The following STYXL2 variants were observed in gnomAD, a reference collection of about 807,000 sequenced individuals.
STYXL2 encodes serine/threonine/tyrosine-interacting-like protein 2.
STYXL2 carries 44 observed loss-of-function variants against 52.4 expected under a neutral mutation model. The observed-to-expected ratio is 0.84, with a 90% CI of 0.66 to 1.08. STYXL2 has a LOEUF of 1.08. STYXL2 is among the 50% of genes least tolerant of loss of function. The probability of loss-of-function intolerance (pLI) is 0.00; values close to 1 mark genes in which losing one functional copy is unlikely to be tolerated. For missense variants in STYXL2, 1,604 were observed against 1,471.7 expected (o/e 1.09, Z -1.47); for synonymous variants, 604 against 586.9 (o/e 1.03, Z -0.42).
chr1:167,107,849 T>A (rs1667535249), intron 2 of STYXL2, among the ~76,000 whole-genome samples: 1 of 151,930 alleles, frequency 6.6e-6, no homozygotes, highest in Admixed American at 6.5e-5. Context: ...TAAAAACAGG[T>A]GTATGGTGCA....
chr1:167,126,311 CA>C lies in STYXL2; in HGVS notation c.1181del (p.Gln394ArgfsTer41). The C allele has an allele frequency of 6.6e-7, 1 of 1,521,872 alleles. No homozygotes were observed. The highest frequency in any genetic ancestry group is 8.8e-7 in the Non-Finnish European group (1 of 1,132,756). The allele number at this position is 1,521,872 out of a possible 1,614,324, so 94.3% of individuals were successfully genotyped here. ...GGACGAGGACGTGGAGAGGATCATC[CA>C]GGAGTGGCAGAGCCGAAACGAGAGG... is the stretch of plus-strand genomic sequence containing the variant. ...LEDEDVERIIQEWQSRNERYQ... is the reference protein window; with the variant it reads ...LEDEDVERIIXEWQSRNERYQ... On this transcript the variant is annotated frameshift_variant, in exon 6 of 6. Coordinates refer to ENST00000361200, the MANE Select transcript of STYXL2 (RefSeq NM_001080426.3). LOFTEE classifies it low-confidence loss of function (END_TRUNC).
rs772111252 is a variant in STYXL2 at position 167,127,573 on chromosome 1, CAA to C, written c.2444_2445del (p.Lys815SerfsTer14). ...LSSPAESCRSKVRGTSKPIFS... is the reference protein window; with the variant it reads ...LSSPAESCRSXVRGTSKPIFS... ...GCTCACCCGCGGAAAGTTGCAGAAG[CAA>C]AGTGAGGGGGACCAGCAAGCCCATC... On this transcript the variant is annotated frameshift_variant, in exon 6 of 6. Coordinates refer to ENST00000361200, the MANE Select transcript of STYXL2 (RefSeq NM_001080426.3). LOFTEE classifies it high-confidence loss of function. The C allele has an allele frequency of 6.2e-7, 1 of 1,614,094 alleles. No homozygotes were observed. Among genetic ancestry groups the C allele is most frequent in the Non-Finnish European group, 8.5e-7 (1 of 1,179,990 alleles).
chr1:167,106,691 T>C (rs780647749), intron 2 of STYXL2, among the ~76,000 whole-genome samples: 13 of 152,226 alleles, frequency 8.5e-5, no homozygotes, highest in Non-Finnish European at 1.3e-4. Context: ...TATTGTCATA[T>C]GAAAACTAGC....
In STYXL2 at chr1:167,119,406, A is replaced by G. The variant is rs2102241298; in HGVS notation, c.595A>G (p.Ile199Val). The G allele has an allele frequency of 1.2e-6, 2 of 1,614,196 alleles. No homozygotes were observed. The highest frequency in any genetic ancestry group is 2.2e-5 in the East Asian group (1 of 44,882). ...VEVDDFPEVD[I>V]SQHFRKASEF... ...GGTGGATGACTTTCCTGAGGTGGAC[A>G]TTTCCCAGCATTTCCGGAAGGCGTC... The change falls in exon 5 of 6, where the codon ATT becomes GTT. Residue 199 changes from isoleucine (I) to valine (V), a missense_variant. Physicochemically the swap from Ile to Val is conservative, Grantham distance 29 (BLOSUM62 3). Transcript: ENST00000361200.
At chr1:167,122,320 C>G (rs1358646336) in intron 5 of STYXL2, among the ~76,000 whole-genome samples, 2 of 152,132 alleles carry the variant, frequency 1.3e-5, no homozygotes, top group Non-Finnish European at 2.9e-5. Flanking sequence ...CTTGGTTTCC[C>G]TCTTCTTTCT....
At chr1:167,105,311 T>C (rs1035633911) in intron 2 of STYXL2, among the ~76,000 whole-genome samples, 2 of 152,238 alleles carry the variant, frequency 1.3e-5, no homozygotes, top group African/African-American at 4.8e-5. Flanking sequence ...GGCTTTTGGT[T>C]AGGAAGTCCA....
At chr1:167,125,002 G>A (rs916355260) in intron 5 of STYXL2, among the ~76,000 whole-genome samples, 1 of 150,620 alleles carries the variant, frequency 6.6e-6, no homozygotes, top group Non-Finnish European at 1.5e-5. Context: ...GAGGAAAGTA[G>A]CTAGAATAGT....
chr1:167,100,759 G>A (rs1035110963), intron 2 of STYXL2, among the ~76,000 whole-genome samples: 7 of 152,140 alleles, frequency 4.6e-5, no homozygotes, highest in African/African-American at 7.2e-5. Flanking sequence ...GTTTTAATGC[G>A]CTTCTTGGTT....
Position 167,126,394 on chromosome 1 carries a change from C to A in STYXL2, c.1263C>A (p.Ser421Arg). Residue 421 changes from serine (S) to arginine (R), a missense_variant, in exon 6 of 6, where the codon AGC becomes AGA. By Grantham distance (110) the Ser-to-Arg change is moderately radical. Transcript: ENST00000361200. ...GGGAGGAGGAGAAGGAGGAGGAGAGCGACGCTGGCTCCTCGGTGGGGAGGC... is the reference window on the plus strand; with the variant it reads ...GGGAGGAGGAGAAGGAGGAGGAGAGAGACGCTGGCTCCTCGGTGGGGAGGC... ...WGREEEKEEE[S>R]DAGSSVGRRR... The A allele has an allele frequency of 3.9e-6, 6 of 1,554,484 alleles. No individual in the cohort carries two copies. The highest frequency in any genetic ancestry group is 1.2e-5 in the South Asian group (1 of 84,180).
rs769931637 is a variant in STYXL2 at position 167,127,556 on chromosome 1, G to T, written c.2425G>T (p.Ala809Ser). ...LSCNTTLSSP[A>S]ESCRSKVRGT... ...CTGCAACACCACACTGAGCTCACCCGCGGAAAGTTGCAGAAGCAAAGTGAG... is the reference window on the plus strand; with the variant it reads ...CTGCAACACCACACTGAGCTCACCCTCGGAAAGTTGCAGAAGCAAAGTGAG... Residue 809 changes from alanine to serine, a missense_variant, in exon 6 of 6, where the codon GCG becomes TCG. Physicochemically the swap from Ala to Ser is moderately conservative, Grantham distance 99. Coordinates refer to ENST00000361200, the MANE Select transcript of STYXL2 (RefSeq NM_001080426.3). The T allele has an allele frequency of 3.1e-6, 5 of 1,613,964 alleles. No homozygotes were observed. The highest frequency in any genetic ancestry group is 4.2e-6 in the Non-Finnish European group (5 of 1,180,000).
At chr1:167,096,596 C>T (rs749511895) in intron 2 of STYXL2, among the ~76,000 whole-genome samples, 1 of 152,120 alleles carries the variant, frequency 6.6e-6, no homozygotes, top group East Asian at 1.9e-4. Flanking sequence ...GAGACAAGCA[C>T]GGATAATTTC....
chr1:167,123,209 CTGT>C (rs1667893717), intron 5 of STYXL2, among the ~76,000 whole-genome samples: 1 of 152,166 alleles, frequency 6.6e-6, no homozygotes, highest in African/African-American at 2.4e-5. Context: ...ACAGAAAATC[CTGT>C]TGCTGCTTTG....
rs753207555 is a variant in STYXL2 at position 167,127,846 on chromosome 1, G to A, written c.2715G>A (p.Gln905=). The part of the protein sequence containing the change: ...SFRYSSRSNS[Q]KPETDTCSSL... ...GATATTCTTCCCGCAGTAATTCCCA[G>A]AAACCTGAAACAGACACATGCTCCT... Residue 905 remains glutamine (Q), a synonymous_variant, in exon 6 of 6, where the codon CAG becomes CAA. Transcript: ENST00000361200. 1.9e-6 allele frequency: 3 copies of A among 1,613,758 alleles called. No homozygotes were observed. In the Admixed American group the frequency reaches 5.0e-5, roughly 27 times the overall value.
intron 2 of STYXL2, among the ~76,000 whole-genome samples, chr1:167,096,207 G>A (rs1017230612): frequency 3.3e-5 from 5 of 152,012 alleles, no homozygotes; most frequent in African/African-American, 9.7e-5. Flanking sequence ...TCAGTGAGCC[G>A]AGATCGCGCC....
intron 2 of STYXL2, among the ~76,000 whole-genome samples, chr1:167,098,017 T>A (rs2102219986): frequency 7.0e-6 from 1 of 142,566 alleles, no homozygotes; most frequent in African/African-American, 2.6e-5. Context: ...TTTTTTTTTT[T>A]TTTTTTTTTT....
chr1:167,119,265 A>G lies in STYXL2; in HGVS notation c.454A>G (p.Lys152Glu), dbSNP rs771827391. Residue 152 changes from lysine to glutamate, a missense_variant, in exon 5 of 6, where the codon AAG becomes GAG. By Grantham distance (56) the Lys-to-Glu change is moderately conservative. Transcript: ENST00000361200. ...TTCCCGCAGGAGTGTGGCTGTGAAC[A>G]AGGGGAGGCTGAAGAGGCTGGGAAT... Reference protein sequence around the residue: ...FIAEKSVAVNKGRLKRLGITH... With the variant: ...FIAEKSVAVNEGRLKRLGITH... 6.2e-7 allele frequency: 1 copy of G among 1,614,202 alleles called. No individual in the cohort carries two copies. The highest frequency in any genetic ancestry group is 8.5e-7 in the Non-Finnish European group (1 of 1,180,036).
intron 2 of STYXL2, among the ~76,000 whole-genome samples, chr1:167,103,237 T>A (rs1667438372): frequency 6.6e-6 from 1 of 152,314 alleles, no homozygotes; most frequent in South Asian, 2.1e-4. Flanking sequence ...AGCTTTAACT[T>A]AATTACTCCT....
At position 167,126,484 on chromosome 1, in the gene STYXL2, G is replaced by A; in HGVS notation, c.1353G>A (p.Leu451=). The A allele has an allele frequency of 1.2e-6, 2 of 1,606,566 alleles. No homozygotes were observed. The highest frequency in any genetic ancestry group is 1.7e-6 in the Non-Finnish European group (2 of 1,176,694). ...ESVSSHDIWV[L]KQQLELNRPD... Reference sequence around the variant, plus strand: ...TGAGCAGCCACGACATCTGGGTCCTGAAGCAGCAGCTGGAGCTGAACCGCC... The same window carrying A: ...TGAGCAGCCACGACATCTGGGTCCTAAAGCAGCAGCTGGAGCTGAACCGCC... Residue 451 remains leucine (L), a synonymous_variant, in exon 6 of 6, where the codon CTG becomes CTA. Coordinates refer to ENST00000361200, the MANE Select transcript of STYXL2 (RefSeq NM_001080426.3).
chr1:167,128,788 G>A lies in STYXL2; in HGVS notation c.*180G>A. ...AGGTGGAGTAGGGAGGAGGCAAGGA[G>A]GGGGAGAACCATCAATACGAATACG... On this transcript the variant is annotated 3_prime_UTR_variant, in exon 6 of 6. Transcript: ENST00000361200. The A allele has an allele frequency of 1.0e-6, 1 of 1,001,020 alleles. No individual in the cohort carries two copies. Among genetic ancestry groups the A allele is most frequent in the Non-Finnish European group, 1.4e-6 (1 of 710,900 alleles). The allele number at this position is 1,001,020 out of a possible 1,614,324, so 62.0% of individuals were successfully genotyped here.
Sources: allele counts gnomAD v4.1 joint callset (sites outside exome capture counted in the v4.1 genomes callset), GRCh38; gene constraint gnomAD v4.1.1; transcripts MANE v1.5; gene names NCBI Gene and HGNC (gene_info 2026-07-23, HGNC 2026-07-21).